Variants in APC observed in about 807,000 individuals in gnomAD.
The protein encoded by APC is APC regulator of Wnt signaling pathway.
In APC, 72 loss-of-function variants were observed where a neutral mutation model predicts 247.0. That is an observed-to-expected ratio of 0.29 (90% confidence interval 0.24 to 0.35). The LOEUF (loss-of-function observed/expected upper bound fraction) is 0.35. APC is among the 10% of genes least tolerant of loss of function. The probability of loss-of-function intolerance (pLI) is 1.00; values close to 1 mark genes in which losing one functional copy is unlikely to be tolerated. For missense variants in APC, 3,400 were observed against 3,360.7 expected (o/e 1.01, Z -0.29); for synonymous variants, 1,254 against 1,162.5 (o/e 1.08, Z -1.60).
At chr5:112,739,592 C>T (rs1389661581) in intron 1 of APC, among the ~76,000 whole-genome samples, 1 of 152,156 alleles carries the variant, frequency 6.6e-6, no homozygotes, top group Non-Finnish European at 1.5e-5. Flanking sequence ...GGCGTGGTGG[C>T]CCATGCCTGT....
At chr5:112,761,692 G>A (rs773412721) in intron 2 of APC, among the ~76,000 whole-genome samples, 5 of 152,154 alleles carry the variant, frequency 3.3e-5, no homozygotes, top group Non-Finnish European at 7.4e-5. Flanking sequence ...AGGCAAAGAT[G>A]TCTTAAACAG....
At position 112,843,889 on chromosome 5, in the gene APC, C is replaced by T. The variant is rs2150002701; in HGVS notation, c.8295C>T (p.Ser2765=). The T allele has an allele frequency of 6.2e-7, 1 of 1,613,908 alleles. No homozygotes were observed. The highest frequency in any genetic ancestry group is 8.5e-7 in the Non-Finnish European group (1 of 1,179,814). Reference sequence around the variant, plus strand: ...TGGAACGTACCCCATTCAGTTCTAGCAGCTCAAGCAAACACAGTTCACCTA... The same window carrying T: ...TGGAACGTACCCCATTCAGTTCTAGTAGCTCAAGCAAACACAGTTCACCTA... ...SIVERTPFSS[S]SSSKHSSPSG... Residue 2765 remains serine, a synonymous_variant, in exon 16 of 16, where the codon AGC becomes AGT. Coordinates refer to ENST00000257430, the MANE Select transcript of APC (RefSeq NM_000038.6). This position sits in a 1 kb window ranked among gnomAD's most constrained non-coding sequence, Gnocchi z 4.8.
chr5:112,777,649 T>A, intron 5 of APC: 1 of 199,904 alleles, frequency 5.0e-6, no homozygotes, highest in Non-Finnish European at 1.2e-5. Context: ...ATTACTGTGC[T>A]TCATCTTCTG....
At chr5:112,742,635 G>A (rs1753179015) in intron 1 of APC, among the ~76,000 whole-genome samples, 1 of 152,120 alleles carries the variant, frequency 6.6e-6, no homozygotes, top group Non-Finnish European at 1.5e-5. Context: ...GCCTCTCCAT[G>A]GGGCTGCTTG....
chr5:112,811,272 A>T (rs889394382), intron 8 of APC, among the ~76,000 whole-genome samples: 1 of 152,226 alleles, frequency 6.6e-6, no homozygotes, highest in African/African-American at 2.4e-5. Flanking sequence ...GATTCAAGGG[A>T]TGTGCAATCA....
chr5:112,770,875 T>C (rs941233711), intron 4 of APC, among the ~76,000 whole-genome samples: 3 of 152,154 alleles, frequency 2.0e-5, no homozygotes, highest in African/African-American at 7.2e-5. Context: ...CACATACATA[T>C]ATATAAGTTC....
chr5:112,720,610 A>G (rs1372785793), intron 1 of APC, among the ~76,000 whole-genome samples: 2 of 152,350 alleles, frequency 1.3e-5, no homozygotes, highest in East Asian at 1.9e-4. Context: ...AATAGCTTTT[A>G]TATTCTCCAT....
At chr5:112,773,772 G>A (rs1757303917) in intron 4 of APC, among the ~76,000 whole-genome samples, 2 of 152,046 alleles carry the variant, frequency 1.3e-5, no homozygotes, top group Non-Finnish European at 1.5e-5. Flanking sequence ...AACTGACAAA[G>A]CACTATCATT....
At position 112,837,137 on chromosome 5, in the gene APC, A is replaced by G. The variant is rs527295346; in HGVS notation, c.1959-416A>G. ...GAAAAATCTTCAATCAATTCTATCT[A>G]CCTCTTCCAAGATAACTCAATATCA... On this transcript the variant is annotated intron_variant, in intron 15 of 15. Transcript: ENST00000257430. Among the ~76,000 whole-genome samples the G allele has an allele frequency of 3.3e-5, 5 of 152,158 alleles. 1 individual carries two copies. The highest frequency in any genetic ancestry group is 4.8e-5 in the African/African-American group (2 of 41,434).
intron 1 of APC, among the ~76,000 whole-genome samples, chr5:112,748,075 A>T (rs1447409035): frequency 6.6e-6 from 1 of 152,198 alleles, no homozygotes; most frequent in Non-Finnish European, 1.5e-5. Flanking sequence ...AATATTTATT[A>T]TCTGGCCCTT....
intron 5 of APC, among the ~76,000 whole-genome samples, chr5:112,779,345 C>G (rs1205781301): frequency 1.3e-5 from 2 of 152,104 alleles, no homozygotes; most frequent in African/African-American, 4.8e-5. Context: ...CAGGAAAGAG[C>G]TTAAATGTAC....
chr5:112,763,966 G>A (rs770386928), intron 2 of APC, among the ~76,000 whole-genome samples: 8 of 152,120 alleles, frequency 5.3e-5, no homozygotes, highest in Middle Eastern at 3.4e-3. Context: ...GGCCGGGCGC[G>A]GTGGCTCACG....
intron 1 of APC, among the ~76,000 whole-genome samples, chr5:112,722,661 C>G (rs1373629316): frequency 1.3e-5 from 2 of 152,014 alleles, no homozygotes; most frequent in Non-Finnish European, 2.9e-5. Flanking sequence ...TGCTGGAGCA[C>G]CTCACAGAAC....
intron 1 of APC, among the ~76,000 whole-genome samples, chr5:112,720,479 A>G (rs1200471092): frequency 1.3e-5 from 2 of 152,210 alleles, no homozygotes; most frequent in African/African-American, 4.8e-5. Context: ...GACCCTAAAT[A>G]TCATTAAGTC....
rs531814921 is a variant in APC at position 112,738,420 on chromosome 5, T to C, written c.-19+495T>C. The C allele has an allele frequency of 8.1e-6, 8 of 985,698 alleles. No individual in the cohort carries two copies. In the East Asian group the frequency reaches 8.0e-4, roughly 98 times the overall value. 61.1% of individuals were successfully genotyped at this position (985,698 alleles called of 1,614,324 possible). On this transcript the variant is annotated intron_variant, in intron 1 of 15. Transcript: ENST00000257430. Reference sequence around the variant, plus strand: ...CTGCAGATGGCTGATGTGAATCTAGTGGAAAGAGCTACTGGGGATGAGAGA... The same window carrying C: ...CTGCAGATGGCTGATGTGAATCTAGCGGAAAGAGCTACTGGGGATGAGAGA...
chr5:112,759,376 T>TG (rs1755392012), intron 2 of APC, among the ~76,000 whole-genome samples: 1 of 148,482 alleles, frequency 6.7e-6, no homozygotes, highest in South Asian at 2.1e-4. Flanking sequence ...TTTTTTTTTT[T>TG]GAGACCGAGT....
At chr5:112,756,358 A>T (rs191839056) in intron 2 of APC, among the ~76,000 whole-genome samples, 1 of 151,242 alleles carries the variant, frequency 6.6e-6, no homozygotes, top group Non-Finnish European at 1.5e-5. Flanking sequence ...AAGGTAGACT[A>T]TAAACAAACA....
intron 5 of APC, among the ~76,000 whole-genome samples, chr5:112,776,471 C>T (rs1757662026): frequency 3.3e-5 from 5 of 152,190 alleles, no homozygotes; most frequent in Admixed American, 3.3e-4. Flanking sequence ...ATTAGGTTTC[C>T]ATGAGCCAAG....
At chr5:112,770,002 T>C (rs1421206025) in intron 4 of APC, among the ~76,000 whole-genome samples, 1 of 152,126 alleles carries the variant, frequency 6.6e-6, no homozygotes, top group East Asian at 1.9e-4. Context: ...CTTTGAGCTC[T>C]ATTAAGAGGC....
Sources: allele counts gnomAD v4.1 joint callset (sites outside exome capture counted in the v4.1 genomes callset), GRCh38; gene constraint gnomAD v4.1.1; non-coding constraint Gnocchi (gnomAD v3.1); transcripts MANE v1.5; gene names NCBI Gene and HGNC (gene_info 2026-07-23, HGNC 2026-07-21).